The following CTNNA1 variants were observed in gnomAD, a reference collection of about 807,000 sequenced individuals.
The protein encoded by CTNNA1 is catenin alpha-1.
A neutral mutation model predicts 98.4 loss-of-function variants in CTNNA1; 37 were observed. That is an observed-to-expected ratio of 0.38 (90% CI 0.29 to 0.49). The LOEUF (loss-of-function observed/expected upper bound fraction) is 0.49, where lower values mean the gene tolerates loss of function less well. CTNNA1 is among the 20% of genes least tolerant of loss of function. The pLI, the probability that CTNNA1 is intolerant of heterozygous loss-of-function variation, is 0.95. For missense variants in CTNNA1, 761 were observed against 1,147.2 expected, an observed-to-expected ratio of 0.66 and a Z score of 4.86; for synonymous variants, 404 against 413.2, an observed-to-expected ratio of 0.98 and a Z score of 0.27.
intron 1 of CTNNA1, among the ~76,000 whole-genome samples, chr5:138,764,868 C>CTT (rs35354499): frequency 0.44 from 37,214 of 84,862 alleles, 9,662 homozygotes; most frequent in East Asian, 0.57. Context: ...GTATCTCTCT[C>CTT]TTTTTTTTTT....
intron 13 of CTNNA1, among the ~76,000 whole-genome samples, chr5:138,927,003 C>T (rs1764209538): frequency 6.6e-6 from 1 of 152,306 alleles, no homozygotes; most frequent in South Asian, 2.1e-4. Flanking sequence ...CCCTTTTGTC[C>T]CATACCTCAC....
intron 11 of CTNNA1, among the ~76,000 whole-genome samples, chr5:138,922,208 C>T (rs1763059115): frequency 6.6e-6 from 1 of 152,020 alleles, no homozygotes. Context: ...AACATATATG[C>T]TTTTTAACTC....
intron 7 of CTNNA1, chr5:138,872,940 G>A: frequency 9.2e-7 from 1 of 1,089,730 alleles, no homozygotes; most frequent in South Asian, 2.1e-5. Flanking sequence ...GTAAAAATTA[G>A]ATATGTATTT....
intron 7 of CTNNA1, among the ~76,000 whole-genome samples, chr5:138,864,797 TTTTTGTTTTTGTTTTTG>T (rs1286937109): frequency 2.1e-5 from 3 of 146,076 alleles, no homozygotes; most frequent in East Asian, 3.9e-4. Flanking sequence ...GAAGATGTGT[TTTTTGTTTTTGTTTTTG>T]TTTTTGTTTT....
chr5:138,857,845 A>G (rs1042623914), intron 7 of CTNNA1, among the ~76,000 whole-genome samples: 16 of 152,226 alleles, frequency 1.1e-4, no homozygotes, highest in Admixed American at 5.2e-4. Context: ...AATTAATAGT[A>G]TATTAGATTG....
chr5:138,872,489 C>T (rs1750765579), intron 7 of CTNNA1: 1 of 152,586 alleles, frequency 6.6e-6, no homozygotes, highest in Non-Finnish European at 1.5e-5. Flanking sequence ...TACCAGTCTT[C>T]AGCATACATG....
At chr5:138,810,675 T>C (rs950669855) in intron 4 of CTNNA1, among the ~76,000 whole-genome samples, 1 of 152,164 alleles carries the variant, frequency 6.6e-6, no homozygotes, top group Non-Finnish European at 1.5e-5. Flanking sequence ...AAATGAAGTT[T>C]CCCATGTCTA....
chr5:138,895,833 A>G (rs771213101), intron 9 of CTNNA1, among the ~76,000 whole-genome samples: 1 of 152,208 alleles, frequency 6.6e-6, no homozygotes, highest in Admixed American at 6.5e-5. Context: ...CTGTTATTTC[A>G]GTAGCATTTT....
intron 11 of CTNNA1, among the ~76,000 whole-genome samples, chr5:138,918,857 C>T (rs945548973): frequency 6.6e-6 from 1 of 152,180 alleles, no homozygotes; most frequent in Non-Finnish European, 1.5e-5. Context: ...CAGGGAACCA[C>T]GGGCTAGAAC....
chr5:138,854,445 T>G (rs1288255409), intron 7 of CTNNA1, among the ~76,000 whole-genome samples: 1 of 152,204 alleles, frequency 6.6e-6, no homozygotes, highest in Non-Finnish European at 1.5e-5. Context: ...TGAACACATG[T>G]ACTTGTGTCT....
intron 12 of CTNNA1, 99 bp from the exon 13 acceptor site, chr5:138,925,157 A>C: frequency 7.5e-7 from 1 of 1,334,654 alleles, no homozygotes; most frequent in Non-Finnish European, 1.0e-6. Flanking sequence ...GGCTCATCAT[A>C]AGCCTCACCT....
At chr5:138,823,521 C>T (rs898623906) in intron 5 of CTNNA1, among the ~76,000 whole-genome samples, 18 of 151,996 alleles carry the variant, frequency 1.2e-4, no homozygotes, top group Non-Finnish European at 2.2e-4. Context: ...GGTTCTGTGT[C>T]CTAAAGTGGT....
chr5:138,777,682 C>T (rs1188318110), intron 1 of CTNNA1, among the ~76,000 whole-genome samples: 1 of 151,812 alleles, frequency 6.6e-6, no homozygotes, highest in Non-Finnish European at 1.5e-5. Context: ...ACAGTGAAAC[C>T]CCGTCTCCAC....
At chr5:138,827,791 G>A (rs1760867964) in intron 7 of CTNNA1, 73 bp downstream of exon 7, 1 of 1,564,158 alleles carries the variant, frequency 6.4e-7, no homozygotes, top group Non-Finnish European at 8.7e-7. Context: ...TTGGATCTGA[G>A]ATGTTTTCAC....
At chr5:138,875,326 G>A in intron 7 of CTNNA1, 1 of 930,266 alleles carries the variant, frequency 1.1e-6, no homozygotes, top group Non-Finnish European at 1.3e-6. Flanking sequence ...CCGAGAAACG[G>A]CACAAGAATG....
intron 7 of CTNNA1, chr5:138,875,115 G>C (rs1751202137): frequency 1.9e-6 from 1 of 527,856 alleles, no homozygotes; most frequent in Non-Finnish European, 3.3e-6. Flanking sequence ...CATTTTCTGT[G>C]ATTGCTCTGA....
At chr5:138,862,754 T>C (rs1764405420) in intron 7 of CTNNA1, among the ~76,000 whole-genome samples, 1 of 152,228 alleles carries the variant, frequency 6.6e-6, no homozygotes, top group Non-Finnish European at 1.5e-5. Context: ...TGTTGAGGCT[T>C]ACTGAAAGTT....
At chr5:138,754,229 A>AG (rs1367878620) in intron 1 of CTNNA1, 5 of 94,366 alleles carry the variant, frequency 5.3e-5, no homozygotes, top group Non-Finnish European at 1.1e-4. Flanking sequence ...GGCATTAGAG[A>AG]GGTTTTTTTT....
chr5:138,853,149 C>CT (rs1331116345), intron 7 of CTNNA1, among the ~76,000 whole-genome samples: 505 of 145,852 alleles, frequency 3.5e-3, no homozygotes, highest in African/African-American at 0.011. Flanking sequence ...TTCATTATTA[C>CT]TTTTTTTTTT....
Sources: gnomAD v4.1 joint callset for allele counts (sites outside exome capture counted in the v4.1 genomes callset) on GRCh38, gnomAD v4.1.1 for gene constraint, MANE v1.5 for transcripts, NCBI Gene and HGNC (gene_info 2026-07-23, HGNC 2026-07-21) for gene names.